FANK1: variants seen among roughly 807,000 people sequenced by gnomAD.
FANK1 encodes fibronectin type 3 and ankyrin repeat domains protein 1.
Under a neutral mutation model 45.3 loss-of-function variants are expected in FANK1, and 44 were observed. That is an observed-to-expected ratio of 0.97 (90% CI 0.76 to 1.25). The LOEUF (loss-of-function observed/expected upper bound fraction) is 1.25. Among genes scored for constraint, FANK1 ranks in the 50% most tolerant of loss-of-function variants. The pLI, the probability that FANK1 is intolerant of heterozygous loss-of-function variation, is 0.00. For missense variants in FANK1, 391 were observed against 424.4 expected (o/e 0.92, Z 0.69); for synonymous variants, 149 against 152.5 (o/e 0.98, Z 0.17).
At chr10:125,903,601 G>A (rs113907288) in intron 1 of FANK1, among the ~76,000 whole-genome samples, 18 of 16,604 alleles carry the variant, frequency 1.1e-3, no homozygotes, top group Non-Finnish European at 3.9e-3. Context: ...AAGCTGAGGC[G>A]GGGGGACTGC....
chr10:125,970,312 G>A (rs1484975721), intron 1 of FANK1, among the ~76,000 whole-genome samples: 5 of 151,936 alleles, frequency 3.3e-5, no homozygotes, highest in Non-Finnish European at 7.4e-5. Context: ...CAGACGGGGC[G>A]GCGGCCGGGC....
At chr10:125,943,184 A>T (rs576277639) in intron 1 of FANK1, among the ~76,000 whole-genome samples, 2 of 152,274 alleles carry the variant, frequency 1.3e-5, no homozygotes, top group African/African-American at 4.8e-5. Flanking sequence ...ATTGTTTCAT[A>T]GTCCAGTAAT....
intron 1 of FANK1, among the ~76,000 whole-genome samples, chr10:125,931,708 TTTAA>T (rs1237313513): frequency 6.6e-6 from 1 of 152,236 alleles, no homozygotes; most frequent in African/African-American, 2.4e-5. Context: ...AGCTCATTAG[TTTAA>T]TTAAGTCCCA....
chr10:125,928,322 G>A (rs1346147105), intron 1 of FANK1, among the ~76,000 whole-genome samples: 1 of 125,560 alleles, frequency 8.0e-6, no homozygotes, highest in Non-Finnish European at 1.6e-5. Flanking sequence ...CATGGCATTT[G>A]TAAACTGTCG....
At chr10:125,974,328 C>T (rs1257998177) in intron 1 of FANK1, among the ~76,000 whole-genome samples, 1 of 152,148 alleles carries the variant, frequency 6.6e-6, no homozygotes, top group Non-Finnish European at 1.5e-5. Context: ...AGGAAGACCC[C>T]TGGGTCTTCA....
chr10:125,949,012 A>G (rs1949013333), intron 1 of FANK1, among the ~76,000 whole-genome samples: 2 of 145,604 alleles, frequency 1.4e-5, no homozygotes, highest in South Asian at 4.3e-4. Flanking sequence ...AGCCAAAGAC[A>G]AAAACCACAT....
At chr10:125,985,893 A>C (rs1951524237) in intron 2 of FANK1, among the ~76,000 whole-genome samples, 1 of 152,216 alleles carries the variant, frequency 6.6e-6, no homozygotes, top group African/African-American at 2.4e-5. Flanking sequence ...TGGATCTTCC[A>C]CTGACTGTCT....
chr10:125,998,375 A>G (rs551734854), intron 6 of FANK1, among the ~76,000 whole-genome samples: 1 of 152,366 alleles, frequency 6.6e-6, no homozygotes, highest in South Asian at 2.1e-4. Flanking sequence ...TTAAATAACA[A>G]TATCTTAAAT....
At chr10:125,989,592 A>AG (rs1412631514) in intron 3 of FANK1, 27 of 677,730 alleles carry the variant, frequency 4.0e-5, no homozygotes, top group Non-Finnish European at 6.2e-5. Context: ...ATGAGGGGAC[A>AG]GGATCTGAGT....
At chr10:125,993,686 C>G (rs1952098357) in intron 3 of FANK1, among the ~76,000 whole-genome samples, 1 of 152,274 alleles carries the variant, frequency 6.6e-6, no homozygotes, top group South Asian at 2.1e-4. Context: ...CTTGGAAGGC[C>G]AGGGACAGCT....
rs1020416742 is a variant in FANK1 at position 125,943,358 on chromosome 10, C to A, written c.14-36803C>A. Among the ~76,000 whole-genome samples the A allele has an allele frequency of 9.9e-5, 15 of 152,182 alleles. 1 individual carries two copies. In the East Asian group the frequency reaches 2.9e-3, roughly 29 times the overall value. ...ATATTGACATATAATTAATATACCA[C>A]AAAACTCACCCTTTAAAAATATGCA... On this transcript the variant is annotated intron_variant, in intron 1 of 10. Transcript: ENST00000368693.
chr10:126,007,943 G>A (rs1156292761), intron 7 of FANK1, among the ~76,000 whole-genome samples: 3 of 152,228 alleles, frequency 2.0e-5, no homozygotes, highest in Admixed American at 2.0e-4. Context: ...CAGAGTTTGT[G>A]TAATGAATCT....
At chr10:125,954,718 G>A (rs1251716581) in intron 1 of FANK1, among the ~76,000 whole-genome samples, 2 of 152,010 alleles carry the variant, frequency 1.3e-5, no homozygotes, top group East Asian at 1.9e-4. Context: ...TCAGGAGTTC[G>A]AGACCAGCCT....
chr10:126,009,013 G>T, intron 8 of FANK1, 41 bp from the exon 9 acceptor site: 1 of 1,595,352 alleles, frequency 6.3e-7, no homozygotes, highest in South Asian at 1.1e-5. Flanking sequence ...GTGCCCTGGA[G>T]GGAGAAGCTC....
intron 1 of FANK1, among the ~76,000 whole-genome samples, chr10:125,937,299 A>C (rs982539283): frequency 6.6e-6 from 1 of 152,170 alleles, no homozygotes; most frequent in Non-Finnish European, 1.5e-5. Flanking sequence ...ATTGTATGAG[A>C]GATCTCACTG....
intron 3 of FANK1, among the ~76,000 whole-genome samples, chr10:125,992,160 G>A (rs1235485733): frequency 1.3e-5 from 2 of 152,322 alleles, no homozygotes; most frequent in South Asian, 2.1e-4. Context: ...AAGGATTCAG[G>A]GGTGGGAGGA....
chr10:125,947,866 A>G (rs982799776), intron 1 of FANK1, among the ~76,000 whole-genome samples: 1 of 136,314 alleles, frequency 7.3e-6, no homozygotes, highest in Non-Finnish European at 1.6e-5. Flanking sequence ...ACTTGGAAGT[A>G]AAGCTCTCCT....
intron 1 of FANK1, among the ~76,000 whole-genome samples, chr10:125,945,854 T>C (rs556746440): frequency 6.6e-6 from 1 of 152,348 alleles, no homozygotes; most frequent in South Asian, 2.1e-4. Flanking sequence ...TGTCCCTGTC[T>C]GACAGCTTTG....
chr10:125,921,933 T>C (rs1339384634), intron 1 of FANK1, among the ~76,000 whole-genome samples: 4 of 152,200 alleles, frequency 2.6e-5, no homozygotes, highest in Admixed American at 2.6e-4. Flanking sequence ...TTTTGTTGAA[T>C]TTTTTTCCTT....
Sources: gnomAD v4.1 joint callset for allele counts (sites outside exome capture counted in the v4.1 genomes callset) on GRCh38, gnomAD v4.1.1 for gene constraint, MANE v1.5 for transcripts, NCBI Gene and HGNC (gene_info 2026-07-23, HGNC 2026-07-21) for gene names.